Variants in IKZF2 observed in about 807,000 individuals in gnomAD.
The protein encoded by IKZF2 is zinc finger protein Helios.
IKZF2 carries 15 observed loss-of-function variants against 49.2 expected under a neutral mutation model. The observed-to-expected ratio is 0.30, with a 90% CI of 0.20 to 0.47. The LOEUF (loss-of-function observed/expected upper bound fraction) is 0.47, where lower values mean the gene tolerates loss of function less well. Ranked by LOEUF, IKZF2 falls within the 20% of genes least tolerant of loss-of-function variation. The pLI is 1.00. For missense variants in IKZF2, 567 were observed against 664.6 expected (o/e 0.85, Z 1.61); for synonymous variants, 227 against 221.4 (o/e 1.03, Z -0.23).
rs139830816 is a variant in IKZF2, at chr2:213,012,458, T to C, written c.856+1333A>G. On this transcript the variant is annotated intron_variant, in intron 8 of 8. Transcript: ENST00000434687. Reference sequence around the variant, plus strand: ...AGTTAGATTTAAGCATTTAATGACATCCAACAAAAAAATCAATATTAAAAA... The same window carrying C: ...AGTTAGATTTAAGCATTTAATGACACCCAACAAAAAAATCAATATTAAAAA... Among the ~76,000 whole-genome samples the C allele has an allele frequency of 2.4e-4, 37 of 152,012 alleles. 1 individual carries two copies. Among genetic ancestry groups the C allele is most frequent in the African/African-American group, 8.7e-4 (36 of 41,544 alleles).
intron 4 of IKZF2, among the ~76,000 whole-genome samples, chr2:213,126,158 T>C (rs1161380709): frequency 7.2e-5 from 11 of 152,188 alleles, no homozygotes; most frequent in Non-Finnish European, 2.9e-5. Context: ...CCACATCCCC[T>C]GTGGGATGAA....
intron 3 of IKZF2, 71 bp from the exon 4 acceptor site, chr2:213,147,883 T>C (rs568932002): frequency 8.9e-7 from 1 of 1,126,116 alleles, no homozygotes; most frequent in Non-Finnish European, 1.3e-6. Context: ...AACTTTGCTT[T>C]ATACACGCAA....
At chr2:213,117,488 G>T (rs1420334313) in intron 4 of IKZF2, among the ~76,000 whole-genome samples, 1 of 152,176 alleles carries the variant, frequency 6.6e-6, no homozygotes, top group Non-Finnish European at 1.5e-5. Context: ...TTAATCAGTA[G>T]TTATTGAACA....
chr2:213,122,334 T>C (rs1013043749), intron 4 of IKZF2, among the ~76,000 whole-genome samples: 2 of 152,218 alleles, frequency 1.3e-5, no homozygotes, highest in Admixed American at 6.5e-5. Context: ...CCCAAGTCCC[T>C]GCACATATAC....
intron 4 of IKZF2, among the ~76,000 whole-genome samples, chr2:213,066,076 G>T (rs1270542157): frequency 5.3e-5 from 8 of 152,034 alleles, no homozygotes; most frequent in South Asian, 2.1e-4. Flanking sequence ...TCTGCTTAAC[G>T]TAACTGTAAG....
intron 4 of IKZF2, among the ~76,000 whole-genome samples, chr2:213,127,663 T>C (rs1267538736): frequency 6.6e-6 from 1 of 152,222 alleles, no homozygotes; most frequent in Non-Finnish European, 1.5e-5. Flanking sequence ...CAAATAGTCC[T>C]AGCATAAAGA....
chr2:213,150,239 A>G lies in IKZF2; in HGVS notation c.-111T>C. ...TCTAACCCCTCAAAGAGGAGGTGACAATGTCGGGCTGAAGATAAACGGAGG... is the reference window on the plus strand; with the variant it reads ...TCTAACCCCTCAAAGAGGAGGTGACGATGTCGGGCTGAAGATAAACGGAGG... On this transcript the variant is annotated 5_prime_UTR_variant, in exon 2 of 9. Transcript: ENST00000434687. The G allele has an allele frequency of 8.3e-7, 1 of 1,202,424 alleles. No homozygotes were observed. Among genetic ancestry groups the G allele is most frequent in the South Asian group, 1.3e-5 (1 of 78,694 alleles). The allele number at this position is 1,202,424 out of a possible 1,614,324, so 74.5% of individuals were successfully genotyped here.
At chr2:213,094,179 G>T (rs1323261022) in intron 4 of IKZF2, among the ~76,000 whole-genome samples, 3 of 152,054 alleles carry the variant, frequency 2.0e-5, no homozygotes, top group African/African-American at 4.8e-5. Flanking sequence ...GTTTGAACTG[G>T]GTTCAAATTT....
Position 213,005,589 on chromosome 2 carries a change from C to G in IKZF2, c.*1771G>C, listed in dbSNP as rs1368225353. On this transcript the variant is annotated 3_prime_UTR_variant, in exon 9 of 9. Coordinates refer to ENST00000434687, the MANE Select transcript of IKZF2 (RefSeq NM_001387220.1). Reference sequence around the variant, plus strand: ...ACTGTATTAAGATACATAATTTCAGCATCCTATTTAATGATCCTTTAGAGC... The same window carrying G: ...ACTGTATTAAGATACATAATTTCAGGATCCTATTTAATGATCCTTTAGAGC... 6.6e-6 allele frequency: 1 copy of G among 151,984 alleles called. No individual in the cohort carries two copies. The highest frequency in any genetic ancestry group is 1.5e-5 in the Non-Finnish European group (1 of 67,956). 9.4% of individuals were successfully genotyped at this position (151,984 alleles called of 1,614,324 possible). A position where few individuals can be genotyped will look rare whatever the true frequency, so the allele number is the denominator to read the frequency against.
At chr2:213,121,810 G>C (rs2060067369) in intron 4 of IKZF2, among the ~76,000 whole-genome samples, 1 of 152,168 alleles carries the variant, frequency 6.6e-6, no homozygotes, top group Non-Finnish European at 1.5e-5. Flanking sequence ...TCTCAGTTTG[G>C]TTAGAACAGC....
At chr2:213,089,756 G>A (rs1328763989) in intron 4 of IKZF2, among the ~76,000 whole-genome samples, 1 of 152,166 alleles carries the variant, frequency 6.6e-6, no homozygotes, top group Non-Finnish European at 1.5e-5. Flanking sequence ...CTGTAAGGGG[G>A]AGAAGGGTTA....
chr2:213,060,658 T>A (rs892245385), intron 4 of IKZF2, among the ~76,000 whole-genome samples: 4 of 151,498 alleles, frequency 2.6e-5, no homozygotes, highest in Non-Finnish European at 4.4e-5. Flanking sequence ...CACGTTATCA[T>A]ATGCTAATAA....
chr2:213,151,276 G>A (rs2061273725), intron 1 of IKZF2, 137 bp downstream of exon 1: 1 of 151,956 alleles, frequency 6.6e-6, no homozygotes, highest in African/African-American at 2.4e-5. Flanking sequence ...AGTGCAAAAC[G>A]AGATGCTATA....
At chr2:213,031,578 A>G (rs1473351980) in intron 6 of IKZF2, among the ~76,000 whole-genome samples, 3 of 152,322 alleles carry the variant, frequency 2.0e-5, no homozygotes, top group African/African-American at 7.2e-5. Context: ...CTACTTTTCT[A>G]TCACTTTAAG....
intron 4 of IKZF2, among the ~76,000 whole-genome samples, chr2:213,102,711 T>A (rs1464513812): frequency 7.1e-6 from 1 of 140,452 alleles, no homozygotes; most frequent in African/African-American, 3.1e-5. Context: ...ATTTATAGAA[T>A]AATATGTTGA....
intron 6 of IKZF2, among the ~76,000 whole-genome samples, chr2:213,035,663 A>T (rs1354400729): frequency 6.6e-6 from 1 of 152,212 alleles, no homozygotes; most frequent in Non-Finnish European, 1.5e-5. Flanking sequence ...GTAGGAAAGA[A>T]TAAAGAAACC....
intron 4 of IKZF2, among the ~76,000 whole-genome samples, chr2:213,102,772 C>T (rs1706859806): frequency 6.6e-6 from 1 of 151,762 alleles, no homozygotes; most frequent in African/African-American, 2.4e-5. Flanking sequence ...TCCAGCTGTA[C>T]CAGAAAATTT....
intron 4 of IKZF2, among the ~76,000 whole-genome samples, chr2:213,081,952 AG>A (rs1183772233): frequency 6.6e-6 from 1 of 152,188 alleles, no homozygotes; most frequent in Non-Finnish European, 1.5e-5. Context: ...AAAGTCAGGG[AG>A]GTCCTTAAAT....
intron 4 of IKZF2, among the ~76,000 whole-genome samples, chr2:213,068,912 A>AACACACACACACACAC (rs3069572): frequency 1.9e-4 from 28 of 147,292 alleles, no homozygotes; most frequent in African/African-American, 4.3e-4. Flanking sequence ...GGAGGGAGAA[A>AACACACACACACACAC]ACACACACAC....
Sources: allele counts gnomAD v4.1 joint callset (sites outside exome capture counted in the v4.1 genomes callset), GRCh38; gene constraint gnomAD v4.1.1; transcripts MANE v1.5; gene names NCBI Gene and HGNC (gene_info 2026-07-23, HGNC 2026-07-21).